The following HECW1 variants were observed in gnomAD, a reference collection of about 807,000 sequenced individuals.
HECW1 encodes HECT, C2 and WW domain containing E3 ubiquitin protein ligase 1.
A neutral mutation model predicts 182.3 loss-of-function variants in HECW1; 61 were observed. That is an observed-to-expected ratio of 0.33 (90% CI 0.27 to 0.41). The LOEUF (loss-of-function observed/expected upper bound fraction) is 0.41, where lower values mean the gene tolerates loss of function less well. Among genes scored for constraint, HECW1 ranks in the 10% least tolerant of loss-of-function variants. The pLI, the probability that HECW1 is intolerant of heterozygous loss-of-function variation, is 1.00. For missense variants in HECW1, 1,739 were observed against 2,108.9 expected, an observed-to-expected ratio of 0.82 and a Z score of 3.44; for synonymous variants, 859 against 832.6, an observed-to-expected ratio of 1.03 and a Z score of -0.55.
At chr7:43,414,033 A>C (rs1312756643) in intron 8 of HECW1, among the ~76,000 whole-genome samples, 1 of 151,288 alleles carries the variant, frequency 6.6e-6, no homozygotes, top group Non-Finnish European at 1.5e-5. Flanking sequence ...TGAATCTGTA[A>C]ATTACCCTGG....
At chr7:43,462,728 C>T (rs1265172025) in intron 13 of HECW1, among the ~76,000 whole-genome samples, 1 of 152,212 alleles carries the variant, frequency 6.6e-6, no homozygotes, top group African/African-American at 2.4e-5. Flanking sequence ...GCCAGGTGCC[C>T]ACACATCCTG....
chr7:43,269,811 A>G (rs535404599), intron 3 of HECW1, among the ~76,000 whole-genome samples: 1 of 152,272 alleles, frequency 6.6e-6, no homozygotes, highest in Non-Finnish European at 1.5e-5. Context: ...TGAGGAGACA[A>G]TTGGCAATGT....
chr7:43,295,183 G>C (rs377604838), intron 3 of HECW1, among the ~76,000 whole-genome samples: 25 of 152,238 alleles, frequency 1.6e-4, no homozygotes, highest in East Asian at 1.5e-3. Flanking sequence ...GTGAGCAGAG[G>C]GACGACTTTG....
At chr7:43,133,072 G>T (rs746303203) in intron 2 of HECW1, among the ~76,000 whole-genome samples, 1 of 151,932 alleles carries the variant, frequency 6.6e-6, no homozygotes, top group Non-Finnish European at 1.5e-5. Context: ...TAACTAGTGC[G>T]TTTTTTCCTT....
intron 5 of HECW1, among the ~76,000 whole-genome samples, chr7:43,354,324 G>A (rs1814833452): frequency 6.6e-6 from 1 of 152,092 alleles, no homozygotes; most frequent in South Asian, 2.1e-4. Flanking sequence ...AAAGGAACTA[G>A]TGATTGACCC....
At chr7:43,181,577 C>T (rs1792861458) in intron 2 of HECW1, among the ~76,000 whole-genome samples, 1 of 150,756 alleles carries the variant, frequency 6.6e-6, no homozygotes, top group African/African-American at 2.5e-5. Context: ...TTGCATTTCT[C>T]TGATGATTGG....
At chr7:43,339,359 C>T (rs559309108) in intron 5 of HECW1, among the ~76,000 whole-genome samples, 12 of 152,214 alleles carry the variant, frequency 7.9e-5, no homozygotes, top group South Asian at 4.1e-4. Flanking sequence ...TCCCGGTTTA[C>T]GAACCCTCTT....
At chr7:43,301,867 ACT>A (rs1198761578) in intron 3 of HECW1, among the ~76,000 whole-genome samples, 13 of 136,572 alleles carry the variant, frequency 9.5e-5, no homozygotes, top group Admixed American at 8.1e-4. Flanking sequence ...AAGAGTGGAA[ACT>A]CTGTCAAAAA....
intron 3 of HECW1, among the ~76,000 whole-genome samples, chr7:43,278,092 T>C (rs562610658): frequency 6.6e-6 from 1 of 152,216 alleles, no homozygotes; most frequent in South Asian, 2.1e-4. Flanking sequence ...GACCCCCAAA[T>C]GTATATGCCC....
At chr7:43,244,022 G>A (rs1030541079) in intron 3 of HECW1, 90 bp downstream of exon 3, 18 of 1,064,348 alleles carry the variant, frequency 1.7e-5, no homozygotes, top group African/African-American at 3.1e-5. Flanking sequence ...TCAGCCTAGG[G>A]CCATTGCGGT....
intron 2 of HECW1, among the ~76,000 whole-genome samples, chr7:43,189,839 T>C (rs900219525): frequency 1.3e-5 from 2 of 152,158 alleles, no homozygotes; most frequent in South Asian, 4.1e-4. Context: ...TCAGTCAGGG[T>C]CACCTCACTG....
At chr7:43,549,448 A>G (rs1465791036) in intron 26 of HECW1, among the ~76,000 whole-genome samples, 1 of 152,232 alleles carries the variant, frequency 6.6e-6, no homozygotes, top group East Asian at 1.9e-4. Flanking sequence ...AACTAAGTCC[A>G]GTGATGCCTC....
chr7:43,472,153 T>C (rs1053659302), intron 16 of HECW1, among the ~76,000 whole-genome samples: 2 of 152,116 alleles, frequency 1.3e-5, no homozygotes, highest in Non-Finnish European at 2.9e-5. Context: ...TGAAATCTCA[T>C]CACTGATATG....
chr7:43,543,119 A>G (rs889365454), intron 26 of HECW1, among the ~76,000 whole-genome samples: 1 of 152,266 alleles, frequency 6.6e-6, no homozygotes, highest in Non-Finnish European at 1.5e-5. Context: ...CAATTTTAAC[A>G]GAAAATAACC....
At chr7:43,542,083 T>G (rs2081381469) in intron 26 of HECW1, 85 bp downstream of exon 26, 5 of 1,228,704 alleles carry the variant, frequency 4.1e-6, no homozygotes, top group Non-Finnish European at 4.3e-6. Context: ...TCTTAATCAT[T>G]TTTAAGTGTA....
chr7:43,409,414 G>A, intron 8 of HECW1, among the ~76,000 whole-genome samples: 1 of 152,224 alleles, frequency 6.6e-6, no homozygotes, highest in Non-Finnish European at 1.5e-5. Context: ...TCTCTCTTCT[G>A]AAGGACTTTA....
chr7:43,230,451 CA>C (rs1797783199), intron 2 of HECW1, among the ~76,000 whole-genome samples: 2 of 152,090 alleles, frequency 1.3e-5, no homozygotes, highest in Non-Finnish European at 2.9e-5. Flanking sequence ...CAACTGAACT[CA>C]ATATAACACA....
intron 2 of HECW1, among the ~76,000 whole-genome samples, chr7:43,166,639 C>A (rs1400366423): frequency 6.6e-6 from 1 of 152,112 alleles, no homozygotes; most frequent in Non-Finnish European, 1.5e-5. Context: ...ATACATTATC[C>A]TTCAGATTAC....
At chr7:43,137,379 C>A (rs1019192861) in intron 2 of HECW1, among the ~76,000 whole-genome samples, 6 of 152,140 alleles carry the variant, frequency 3.9e-5, no homozygotes, top group Non-Finnish European at 7.3e-5. Flanking sequence ...AGAGATGTGG[C>A]CCACATTCAT....
Sources: gnomAD v4.1 joint callset for allele counts (sites outside exome capture counted in the v4.1 genomes callset) on GRCh38, gnomAD v4.1.1 for gene constraint, MANE v1.5 for transcripts, NCBI Gene and HGNC (gene_info 2026-07-23, HGNC 2026-07-21) for gene names.